KLHL15: variants seen among roughly 807,000 people sequenced by gnomAD.
The protein encoded by KLHL15 is kelch-like protein 15.
KLHL15 carries 1 observed loss-of-function variant against 29.3 expected under a neutral mutation model. The observed-to-expected ratio is 0.03, with a 90% CI of 0.01 to 0.16. The LOEUF is 0.16. KLHL15 is among the 10% of genes least tolerant of loss of function. The probability of loss-of-function intolerance (pLI) is 1.00; values close to 1 mark genes in which losing one functional copy is unlikely to be tolerated. For synonymous variants in KLHL15, 212 were observed against 184.5 expected, an observed-to-expected ratio of 1.15 and a Z score of -1.21; for missense variants, 215 against 478.5, an observed-to-expected ratio of 0.45 and a Z score of 5.14.
At chrX:24,007,506 A>ATATATATATATATATATATAT (rs1320532694) in intron 2 of KLHL15, among the ~76,000 whole-genome samples, 2 of 58,377 alleles carry the variant, frequency 3.4e-5, no homozygotes, top group African/African-American at 1.5e-4. Flanking sequence ...AAAAAAAAAA[A>ATATATATATATATATATATAT]AAATATATAT....
intron 3 of KLHL15, among the ~76,000 whole-genome samples, chrX:24,002,660 C>T (rs1367630016): frequency 2.8e-5 from 3 of 106,353 alleles, no homozygotes; most frequent in Non-Finnish European, 5.8e-5. Context: ...CAGGTTCTCA[C>T]TTTTATCGCC....
At chrX:24,027,040 T>A (rs1273395475) in intron 1 of KLHL15, 100 bp downstream of exon 1, 1 of 112,681 alleles carries the variant, frequency 8.9e-6, no homozygotes, top group Non-Finnish European at 1.9e-5. Context: ...CTTCTGAATA[T>A]TTAAATGTTC....
intron 3 of KLHL15, among the ~76,000 whole-genome samples, chrX:23,997,753 A>T (rs866571119): frequency 1.2e-4 from 10 of 83,416 alleles, no homozygotes; most frequent in African/African-American, 2.1e-4. Flanking sequence ...AAAAAAAAAA[A>T]ATTTTTTTTT....
At chrX:23,995,476 A>T (rs1371877975) in intron 3 of KLHL15, among the ~76,000 whole-genome samples, 2 of 103,005 alleles carry the variant, frequency 1.9e-5, no homozygotes, top group African/African-American at 7.3e-5. Context: ...GTTAGAGTAC[A>T]TTTTTTTTTA....
At chrX:24,022,242 G>C (rs766397465) in intron 2 of KLHL15, among the ~76,000 whole-genome samples, 163 of 107,111 alleles carry the variant, frequency 1.5e-3, no homozygotes, top group Non-Finnish European at 2.6e-3. Context: ...GGCTGAGGCA[G>C]GAGAATCACT....
rs1187973000 is a variant in KLHL15 at position 23,987,892 on chromosome X, T to A, written c.*29A>T. On this transcript the variant is annotated 3_prime_UTR_variant, in exon 4 of 4. Coordinates refer to ENST00000328046, the MANE Select transcript of KLHL15 (RefSeq NM_030624.3). ...ACTCTGTGCAAACAAATACTTTGTTTGCCTCTTTTTTTAGGGAGGAGGATG... is the reference window on the plus strand; with the variant it reads ...ACTCTGTGCAAACAAATACTTTGTTAGCCTCTTTTTTTAGGGAGGAGGATG... 4.3e-6 allele frequency: 5 copies of A among 1,153,102 alleles called. No homozygotes were observed. The highest frequency in any genetic ancestry group is 5.8e-6 in the Non-Finnish European group (5 of 862,408).
Position 24,024,320 on chromosome X carries a change from T to C in KLHL15, c.-8+537A>G, listed in dbSNP as rs756285258. On this transcript the variant is annotated intron_variant, in intron 2 of 3. Coordinates refer to ENST00000328046, the MANE Select transcript of KLHL15 (RefSeq NM_030624.3). ...CAGTTAGCCACTACATTAACCACTC[T>C]ACCAAAGGTTACTTAAAAAACGGCC... Among the ~76,000 whole-genome samples the C allele has an allele frequency of 2.9e-4, 33 of 112,180 alleles. 1 individual carries two copies. The South Asian group carries it at 4.4e-3, about 15-fold the overall frequency.
chrX:24,026,357 C>T (rs1929933756), intron 1 of KLHL15, among the ~76,000 whole-genome samples: 1 of 112,305 alleles, frequency 8.9e-6, no homozygotes, highest in South Asian at 3.6e-4. Flanking sequence ...TTATAGAATT[C>T]TAGCTAGTAC....
chrX:24,012,051 G>A (rs1023085853), intron 2 of KLHL15, among the ~76,000 whole-genome samples: 2 of 109,610 alleles, frequency 1.8e-5, no homozygotes, highest in African/African-American at 3.3e-5. Flanking sequence ...CAGGTCGGGG[G>A]AGGCTGAAGC....
At chrX:24,014,605 G>GA (rs1929639187) in intron 2 of KLHL15, among the ~76,000 whole-genome samples, 1 of 111,607 alleles carries the variant, frequency 9.0e-6, no homozygotes, top group Non-Finnish European at 1.9e-5. Flanking sequence ...AGCAGTGGGG[G>GA]AAAAAAGAGG....
chrX:24,021,437 A>G (rs1156365649), intron 2 of KLHL15, among the ~76,000 whole-genome samples: 2 of 110,970 alleles, frequency 1.8e-5, no homozygotes, highest in East Asian at 5.6e-4. Flanking sequence ...GACAATCCCC[A>G]TGCCCCTCCA....
intron 2 of KLHL15, among the ~76,000 whole-genome samples, chrX:24,007,922 T>G (rs1246663608): frequency 3.0e-5 from 3 of 100,876 alleles, no homozygotes; most frequent in Non-Finnish European, 6.1e-5. Flanking sequence ...TCAGATATTG[T>G]ATGAAAAAAA....
rs185198388 is a variant in KLHL15, at chrX:23,987,551, G to A, written c.*370C>T. On this transcript the variant is annotated 3_prime_UTR_variant, in exon 4 of 4. Transcript: ENST00000328046. Reference sequence around the variant, plus strand: ...GAAATAAATCTTCAAAAAGGTTTCAGATAGAGACAGAGACTGAAATCACAT... The same window carrying A: ...GAAATAAATCTTCAAAAAGGTTTCAAATAGAGACAGAGACTGAAATCACAT... The A allele has an allele frequency of 1.6e-3, 215 of 133,027 alleles. No homozygotes were observed. The highest frequency in any genetic ancestry group is 5.8e-3 in the African/African-American group (186 of 31,892). The allele number at this position is 133,027 out of a possible 1,213,427, so 11.0% of individuals were successfully genotyped here. A position where few individuals can be genotyped will look rare whatever the true frequency, so the allele number is the denominator to read the frequency against.
rs1455097808 is a variant in KLHL15, at chrX:23,987,207, A to G, written c.*714T>C. 1 of 111,967 alleles carries G rather than the reference A, an allele frequency of 8.9e-6. No individual in the cohort carries two copies. The highest frequency in any genetic ancestry group is 1.9e-5 in the Non-Finnish European group (1 of 53,180). 9.2% of individuals were successfully genotyped at this position (111,967 alleles called of 1,213,427 possible). On this transcript the variant is annotated 3_prime_UTR_variant, in exon 4 of 4. Transcript: ENST00000328046. The stretch of plus-strand genomic sequence containing the variant: ...CTTTCTAAAAATGTTAATATGTGAA[A>G]AGACGTTACATCTAAAATTCAACAA...
In KLHL15 at chrX:23,988,635, T is replaced by A. The variant is rs140125636; in HGVS notation, c.1101A>T (p.Val367=). Residue 367 remains valine, a synonymous_variant, in exon 4 of 4, where the codon GTA becomes GTT. Coordinates refer to ENST00000328046, the MANE Select transcript of KLHL15 (RefSeq NM_030624.3). ...CACCTACAGCAAATTCAGAGCGTGG[T>A]ACAGACATATCTGCCATCTGCAGCC... The part of the protein sequence containing the change: ...NSWLQMADMS[V]PRSEFAVGVI... 15 of 1,209,949 alleles carry A rather than the reference T, an allele frequency of 1.2e-5. No homozygotes were observed. In the South Asian group the frequency reaches 2.1e-4, roughly 17 times the overall value.
intron 3 of KLHL15, among the ~76,000 whole-genome samples, chrX:24,004,039 G>A (rs1052587654): frequency 9.0e-6 from 1 of 111,239 alleles, no homozygotes; most frequent in African/African-American, 3.3e-5. Context: ...ACTGCAGAAG[G>A]ATAAACCCAA....
chrX:23,998,612 C>T (rs1167657953), intron 3 of KLHL15, among the ~76,000 whole-genome samples: 1 of 111,666 alleles, frequency 9.0e-6, no homozygotes, highest in Non-Finnish European at 1.9e-5. Flanking sequence ...GAATTCACAA[C>T]TTATGAGGGA....
chrX:24,016,457 GA>G (rs1157179858), intron 2 of KLHL15, among the ~76,000 whole-genome samples: 2 of 108,796 alleles, frequency 1.8e-5, no homozygotes, highest in African/African-American at 6.7e-5. Flanking sequence ...TTGAGGTCAG[GA>G]GTTCGAGACC....
chrX:24,009,637 G>C (rs865888297), intron 2 of KLHL15, among the ~76,000 whole-genome samples: 1 of 99,267 alleles, frequency 1.0e-5, no homozygotes, highest in Non-Finnish European at 2.0e-5. Context: ...AGTGAGCCAA[G>C]ACTGCACCAC....
Sources: gnomAD v4.1 joint callset for allele counts (sites outside exome capture counted in the v4.1 genomes callset) on GRCh38, gnomAD v4.1.1 for gene constraint, MANE v1.5 for transcripts, NCBI Gene and HGNC (gene_info 2026-07-23, HGNC 2026-07-21) for gene names.